MROH7: variants seen among roughly 807,000 people sequenced by gnomAD.
MROH7 encodes the protein maestro heat like repeat family member 7, also known as maestro heat-like repeat-containing protein family member 7.
Under a neutral mutation model 129.2 loss-of-function variants are expected in MROH7, and 113 were observed. That is an observed-to-expected ratio of 0.87 (90% CI 0.75 to 1.02). The LOEUF (loss-of-function observed/expected upper bound fraction) is 1.02, where lower values mean the gene tolerates loss of function less well. Among genes scored for constraint, MROH7 ranks in the 50% least tolerant of loss-of-function variants. The pLI, the probability that MROH7 is intolerant of heterozygous loss-of-function variation, is 0.00. For missense variants in MROH7, 1,601 were observed against 1,671.3 expected, an observed-to-expected ratio of 0.96 and a Z score of 0.73; for synonymous variants, 655 against 667.9, an observed-to-expected ratio of 0.98 and a Z score of 0.30.
At chr1:54,691,317 T>G (rs1027389367) in intron 15 of MROH7, among the ~76,000 whole-genome samples, 1 of 152,154 alleles carries the variant, frequency 6.6e-6, no homozygotes, top group Admixed American at 6.6e-5. Context: ...AACATGAAAA[T>G]GAAGGGCAAA....
chr1:54,644,414 C>T (rs1278306003), intron 1 of MROH7, among the ~76,000 whole-genome samples: 1 of 151,570 alleles, frequency 6.6e-6, no homozygotes, highest in Non-Finnish European at 1.5e-5. Flanking sequence ...ATGATTTTGG[C>T]TCACTGCAAC....
chr1:54,678,719 C>T, intron 10 of MROH7, 23 bp from the exon 11 acceptor site: 1 of 1,553,322 alleles, frequency 6.4e-7, no homozygotes, highest in Non-Finnish European at 8.9e-7. Flanking sequence ...TCCGGCCTCA[C>T]TGAGAAGGTT....
intron 4 of MROH7, among the ~76,000 whole-genome samples, chr1:54,668,105 T>C (rs1644840341): frequency 6.6e-6 from 1 of 152,246 alleles, no homozygotes; most frequent in African/African-American, 2.4e-5. Context: ...GTAATCATTG[T>C]CTTTTAGCCT....
At chr1:54,686,485 G>A (rs370241515) in intron 15 of MROH7, 37 bp downstream of exon 15, 190 of 1,583,338 alleles carry the variant, frequency 1.2e-4, no homozygotes, top group South Asian at 1.8e-4. Flanking sequence ...TGCTGTCCCC[G>A]GTGGTGGGAA....
intron 22 of MROH7, among the ~76,000 whole-genome samples, chr1:54,708,597 A>C (rs1645573557): frequency 1.3e-5 from 2 of 152,222 alleles, no homozygotes; most frequent in Admixed American, 6.5e-5. Flanking sequence ...GTTGAGTCTC[A>C]GCCCTCTAGG....
intron 8 of MROH7, 92 bp from the exon 9 acceptor site, chr1:54,673,609 C>A: frequency 1.1e-6 from 1 of 905,932 alleles, no homozygotes. Flanking sequence ...TCTCTGGAAG[C>A]TTCCTGCTGA....
intron 10 of MROH7, 66 bp from the exon 11 acceptor site, chr1:54,678,676 T>A: frequency 3.6e-6 from 4 of 1,097,976 alleles, no homozygotes; most frequent in Non-Finnish European, 5.6e-6. Flanking sequence ...ATGTAGGGAC[T>A]TCCTACATGT....
intron 20 of MROH7, 81 bp downstream of exon 20, chr1:54,702,326 A>G (rs2101223302): frequency 8.1e-7 from 1 of 1,237,656 alleles, no homozygotes; most frequent in East Asian, 2.9e-5. Context: ...ACCAAGCCAG[A>G]GTCTCAAACA....
At chr1:54,663,073 T>A (rs1644755003) in intron 3 of MROH7, among the ~76,000 whole-genome samples, 1 of 152,324 alleles carries the variant, frequency 6.6e-6, no homozygotes, top group African/African-American at 2.4e-5. Context: ...TTGAGTAGGA[T>A]GGTTGCTGCC....
chr1:54,646,061 C>G (rs887281877), intron 1 of MROH7, among the ~76,000 whole-genome samples: 5 of 152,210 alleles, frequency 3.3e-5, no homozygotes, highest in African/African-American at 7.2e-5. Context: ...CTTCATTTTT[C>G]TGGTATTGCC....
chr1:54,706,344 G>A lies in MROH7; in HGVS notation c.3565-91G>A. 7.7e-6 allele frequency: 7 copies of A among 906,066 alleles called. No individual in the cohort carries two copies. The South Asian group carries it at 9.8e-5, about 13-fold the overall frequency. 56.1% of individuals were successfully genotyped at this position (906,066 alleles called of 1,614,324 possible). ...AGCAGATATATTTGGGAGGCAGGGG[G>A]TGAGGGTCACCATTCCTAGCTTCAA... On this transcript the variant is annotated intron_variant, in intron 21 of 23. Coordinates refer to ENST00000421030, the MANE Select transcript of MROH7 (RefSeq NM_001039464.4).
At chr1:54,695,886 T>G in intron 17 of MROH7, 1 of 314,784 alleles carries the variant, frequency 3.2e-6, no homozygotes, top group Admixed American at 4.7e-5. Context: ...TGGGGCCATC[T>G]AGGCTGTGGT....
chr1:54,671,545 T>G (rs903323969), intron 7 of MROH7, among the ~76,000 whole-genome samples: 11 of 152,072 alleles, frequency 7.2e-5, no homozygotes, highest in Non-Finnish European at 1.6e-4. Context: ...GAAGACAGAC[T>G]GGGGGAACTG....
intron 6 of MROH7, 91 bp downstream of exon 6, chr1:54,670,667 A>ACCCCCCCCCCCCCCCCCCCC: frequency 2.1e-6 from 2 of 960,104 alleles, no homozygotes; most frequent in Non-Finnish European, 1.5e-6. Flanking sequence ...CCCTCCCCCA[A>ACCCCCCCCCCCCCCCCCCCC]CCCGCCCCCA....
In MROH7 at chr1:54,710,233, A is replaced by C. The variant is rs754131531; in HGVS notation, c.*46A>C. On this transcript the variant is annotated 3_prime_UTR_variant, in exon 24 of 24. Coordinates refer to ENST00000421030, the MANE Select transcript of MROH7 (RefSeq NM_001039464.4). ...TCCTCAGGGTGGTTGAGTTCCAGCC[A>C]TGCTCCCTATAAATGTCATGTGGCT... 1.9e-6 allele frequency: 3 copies of C among 1,591,154 alleles called. No homozygotes were observed.
rs963949985 is a variant in MROH7, at chr1:54,701,117, T to G, written c.3106-26T>G. On this transcript the variant is annotated intron_variant, in intron 18 of 23. Coordinates refer to ENST00000421030, the MANE Select transcript of MROH7 (RefSeq NM_001039464.4). ...TACTTGCTAGCTCAGATAGGAGCCC[T>G]CATCCCAAATGCTCCTGCCCCACAG... is the stretch of plus-strand genomic sequence containing the variant. The G allele has an allele frequency of 2.5e-6, 4 of 1,611,648 alleles. No individual in the cohort carries two copies. The African/African-American group carries it at 5.3e-5, about 22-fold the overall frequency.
chr1:54,691,796 AAAAAAAAGTGTGTGT>A (rs1645240670), intron 15 of MROH7, among the ~76,000 whole-genome samples: 1 of 134,782 alleles, frequency 7.4e-6, no homozygotes, highest in Non-Finnish European at 1.5e-5. Context: ...CAAAAAAAAA[AAAAAAAAGTGTGTGT>A]GTGTGTGTGT....
intron 18 of MROH7, 149 bp downstream of exon 18, chr1:54,700,610 T>A (rs1325992033): frequency 2.8e-6 from 2 of 720,588 alleles, no homozygotes; most frequent in Non-Finnish European, 4.4e-6. Flanking sequence ...GTAAAATAGA[T>A]ATCCTTTAAA....
At chr1:54,671,755 A>G (rs1319661052) in intron 7 of MROH7, among the ~76,000 whole-genome samples, 2 of 152,142 alleles carry the variant, frequency 1.3e-5, no homozygotes, top group Non-Finnish European at 2.9e-5. Context: ...GCAAATAGTA[A>G]CTCAGTACCT....
Sources: gnomAD v4.1 joint callset for allele counts (sites outside exome capture counted in the v4.1 genomes callset) on GRCh38, gnomAD v4.1.1 for gene constraint, MANE v1.5 for transcripts, NCBI Gene and HGNC (gene_info 2026-07-23, HGNC 2026-07-21) for gene names.